Variants in EIF4G3 observed in about 807,000 individuals in gnomAD.
EIF4G3 encodes eukaryotic translation initiation factor 4 gamma 3.
In EIF4G3, 34 loss-of-function variants were observed where a neutral mutation model predicts 186.4. That is an observed-to-expected ratio of 0.18 (90% CI 0.14 to 0.24). EIF4G3 has a LOEUF of 0.24. EIF4G3 is among the 10% of genes least tolerant of loss of function. The probability of loss-of-function intolerance (pLI) is 1.00; values close to 1 mark genes in which losing one functional copy is unlikely to be tolerated. For missense variants in EIF4G3, 1,536 were observed against 1,948.5 expected, an observed-to-expected ratio of 0.79 and a Z score of 3.99; for synonymous variants, 673 against 679.5, an observed-to-expected ratio of 0.99 and a Z score of 0.15.
chr1:20,866,942 A>T (rs1571909511), intron 20 of EIF4G3, among the ~76,000 whole-genome samples: 1 of 152,216 alleles, frequency 6.6e-6, no homozygotes, highest in African/African-American at 2.4e-5. Flanking sequence ...CCCACAATCT[A>T]TCATCTCTAA....
At chr1:21,097,322 T>C (rs2096398781) in intron 2 of EIF4G3, among the ~76,000 whole-genome samples, 1 of 152,144 alleles carries the variant, frequency 6.6e-6, no homozygotes, top group African/African-American at 2.4e-5. Context: ...TTTCAGTAGG[T>C]ATCCCTAGGA....
chr1:20,865,362 CAGGTAAGCATTCTATAAG>C (rs1199201233), intron 20 of EIF4G3, 100 bp from the exon 21 acceptor site: 1 of 1,330,182 alleles, frequency 7.5e-7, no homozygotes, highest in Non-Finnish European at 1.0e-6. Flanking sequence ...GACTGAACCA[CAGGTAAGCATTCTATAAG>C]AGGCAAACAA....
intron 3 of EIF4G3, among the ~76,000 whole-genome samples, chr1:21,053,160 C>T (rs1185668280): frequency 1.3e-5 from 2 of 151,586 alleles, no homozygotes; most frequent in Non-Finnish European, 2.9e-5. Context: ...GGCCGCCCAT[C>T]GTCTGAGATG....
chr1:21,089,805 T>C (rs1330125535), intron 2 of EIF4G3, among the ~76,000 whole-genome samples: 2 of 151,678 alleles, frequency 1.3e-5, no homozygotes, highest in Non-Finnish European at 2.9e-5. Flanking sequence ...AGAAATTTTC[T>C]ACAGAATTTG....
chr1:20,925,737 G>A (rs1477551798), intron 14 of EIF4G3, among the ~76,000 whole-genome samples: 1 of 152,148 alleles, frequency 6.6e-6, no homozygotes, highest in Non-Finnish European at 1.5e-5. Flanking sequence ...TCTCTCTGTT[G>A]CCAAGGCTGA....
rs150354242 is a variant in EIF4G3 at position 21,022,843 on chromosome 1, A to G, written c.-66-20035T>C. ...TGTCCATGTAGCTTGTACTTTTTTG[A>G]TATGGCCAACAGATCCCCTAGGTTT... On this transcript the variant is annotated intron_variant, in intron 4 of 36. Coordinates refer to ENST00000602326, the MANE Select transcript of EIF4G3 (RefSeq NM_001391906.1). Among the ~76,000 whole-genome samples, 282 of 152,296 alleles carry G rather than the reference A, an allele frequency of 1.9e-3. 1 individual carries two copies. The highest frequency in any genetic ancestry group is 6.3e-3 in the African/African-American group (263 of 41,556).
rs2058172511 is a variant in EIF4G3 at position 20,806,736 on chromosome 1, T to C, written c.*583A>G. 1 of 152,402 alleles carries C rather than the reference T, an allele frequency of 6.6e-6. No individual in the cohort carries two copies. The highest frequency in any genetic ancestry group is 1.5e-5 in the Non-Finnish European group (1 of 68,012). 9.4% of individuals were successfully genotyped at this position (152,402 alleles called of 1,614,324 possible). A position where few individuals can be genotyped will look rare whatever the true frequency, so the allele number is the denominator to read the frequency against. On this transcript the variant is annotated 3_prime_UTR_variant, in exon 37 of 37. Transcript: ENST00000602326. ...AATGTTATGTATGTTTTGATTACTA[T>C]TGTGATTTTTTAAATTTTCTGAAGC...
chr1:20,972,264 A>T (rs1222472650), intron 11 of EIF4G3, among the ~76,000 whole-genome samples: 3 of 152,172 alleles, frequency 2.0e-5, no homozygotes, highest in Non-Finnish European at 4.4e-5. Context: ...TTTTCTTGCT[A>T]TCCTTAATAT....
chr1:21,120,297 T>G (rs2096903507), intron 2 of EIF4G3, among the ~76,000 whole-genome samples: 1 of 151,862 alleles, frequency 6.6e-6, no homozygotes. Context: ...AATCACTCCT[T>G]TGTAAGCAAA....
intron 35 of EIF4G3, among the ~76,000 whole-genome samples, chr1:20,812,844 A>G (rs913318224): frequency 1.6e-4 from 25 of 152,204 alleles, no homozygotes; most frequent in Non-Finnish European, 3.5e-4. Flanking sequence ...ATAATTCATT[A>G]TTGGAAGGAG....
chr1:20,924,147 G>C (rs574189084), intron 14 of EIF4G3, among the ~76,000 whole-genome samples: 1 of 152,170 alleles, frequency 6.6e-6, no homozygotes, highest in African/African-American at 2.4e-5. Context: ...ATGGAGAATA[G>C]GCAGTCAAAA....
At chr1:21,008,360 G>A (rs1225811865) in intron 4 of EIF4G3, among the ~76,000 whole-genome samples, 2 of 151,538 alleles carry the variant, frequency 1.3e-5, no homozygotes, top group Non-Finnish European at 2.9e-5. Flanking sequence ...TCTTTGAGAC[G>A]GAGTCTCACT....
At chr1:20,851,166 A>C in intron 28 of EIF4G3, 92 bp downstream of exon 28, 1 of 1,176,376 alleles carries the variant, frequency 8.5e-7, no homozygotes, top group Non-Finnish European at 1.2e-6. Context: ...ATTATGTGTT[A>C]ATTCTAAAAT....
chr1:21,109,326 G>C (rs2096674265), intron 2 of EIF4G3, among the ~76,000 whole-genome samples: 1 of 152,034 alleles, frequency 6.6e-6, no homozygotes, highest in African/African-American at 2.4e-5. Flanking sequence ...ATCTGAGATA[G>C]CTTACAAAAA....
intron 2 of EIF4G3, among the ~76,000 whole-genome samples, chr1:21,105,151 G>A (rs1245428018): frequency 3.3e-5 from 5 of 152,206 alleles, no homozygotes; most frequent in East Asian, 1.9e-4. Flanking sequence ...GGTCAGGTGC[G>A]TTGGCTCACG....
At chr1:21,027,114 C>A (rs1173494986) in intron 4 of EIF4G3, among the ~76,000 whole-genome samples, 1 of 151,466 alleles carries the variant, frequency 6.6e-6, no homozygotes, top group Non-Finnish European at 1.5e-5. Flanking sequence ...TAAGGAAATA[C>A]AAATCAATAC....
rs74058807 is a variant in EIF4G3 at position 21,047,185 on chromosome 1, G to A, written c.-67+3681C>T. On this transcript the variant is annotated intron_variant, in intron 4 of 36. Transcript: ENST00000602326. ...TAATCCCTTCCCCTCTATTTTGAACGCTCTTCTTTCCATTACCATCCATGA... is the reference window on the plus strand; with the variant it reads ...TAATCCCTTCCCCTCTATTTTGAACACTCTTCTTTCCATTACCATCCATGA... Among the ~76,000 whole-genome samples the A allele has an allele frequency of 2.8e-3, 427 of 152,196 alleles. 5 individuals carry two copies. The highest frequency in any genetic ancestry group is 1.0e-2 in the African/African-American group (415 of 41,530).
intron 4 of EIF4G3, among the ~76,000 whole-genome samples, chr1:21,015,306 T>C (rs532720578): frequency 6.6e-6 from 1 of 151,978 alleles, no homozygotes; most frequent in Middle Eastern, 3.4e-3. Context: ...CAAATCAATA[T>C]TCACATTACA....
chr1:20,882,447 C>G (rs895120741), intron 19 of EIF4G3, among the ~76,000 whole-genome samples: 9 of 151,896 alleles, frequency 5.9e-5, no homozygotes, highest in Non-Finnish European at 2.9e-5. Context: ...TGGTGAAACC[C>G]CGTCTCTACT....
Sources: allele counts gnomAD v4.1 joint callset (sites outside exome capture counted in the v4.1 genomes callset), GRCh38; gene constraint gnomAD v4.1.1; transcripts MANE v1.5; gene names NCBI Gene and HGNC (gene_info 2026-07-23, HGNC 2026-07-21).